Variants in NTN1 observed in about 807,000 individuals in gnomAD.
The protein encoded by NTN1 is netrin-1.
A neutral mutation model predicts 54.2 loss-of-function variants in NTN1; 11 were observed. The ratio of observed to expected loss-of-function variants is 0.20; its 90% CI spans 0.13 to 0.34. NTN1 has a LOEUF of 0.34. NTN1 is among the 10% of genes least tolerant of loss of function. The pLI is 1.00. For synonymous variants in NTN1, 371 were observed against 382.0 expected (o/e 0.97, Z 0.33); for missense variants, 740 against 893.1 (o/e 0.83, Z 2.18).
chr17:9,203,767 C>T (rs1437431385), intron 5 of NTN1, among the ~76,000 whole-genome samples: 3 of 151,998 alleles, frequency 2.0e-5, no homozygotes, highest in Admixed American at 6.5e-5. Flanking sequence ...CATGCCACCG[C>T]ACTCCAGCCT....
chr17:9,022,011 AG>A (rs1416902137), intron 1 of NTN1, among the ~76,000 whole-genome samples: 1 of 151,546 alleles, frequency 6.6e-6, no homozygotes, highest in Non-Finnish European at 1.5e-5. Flanking sequence ...TTGGGGTGCG[AG>A]GGGGGCTGGT....
At chr17:9,012,897 T>C in the NTN1 span, among the ~76,000 whole-genome samples, 1 of 152,176 alleles carries the variant, frequency 6.6e-6, no homozygotes, top group East Asian at 1.9e-4. Flanking sequence ...AGAATGTAGT[T>C]TGCTTTTTAT....
intron 2 of NTN1, among the ~76,000 whole-genome samples, chr17:9,108,140 G>A (rs1368706688): frequency 3.3e-5 from 5 of 152,202 alleles, no homozygotes; most frequent in Admixed American, 3.3e-4. Flanking sequence ...AGGAGGAAGG[G>A]ATTCATGCGA....
chr17:9,144,751 G>T (rs1387022235), intron 2 of NTN1, among the ~76,000 whole-genome samples: 3 of 152,248 alleles, frequency 2.0e-5, no homozygotes, highest in Non-Finnish European at 4.4e-5. Flanking sequence ...AGTGGGGTTT[G>T]CTGACGAAAC....
rs574307320 is a variant in NTN1 at position 9,240,418 on chromosome 17, G to A, written c.*450G>A. The A allele has an allele frequency of 1.3e-5, 2 of 152,368 alleles. No individual in the cohort carries two copies. Among genetic ancestry groups the A allele is most frequent in the African/African-American group, 4.8e-5 (2 of 41,584 alleles). The allele number at this position is 152,368 out of a possible 1,614,324, so 9.4% of individuals were successfully genotyped here. On this transcript the variant is annotated 3_prime_UTR_variant, in exon 7 of 7. Coordinates refer to ENST00000173229, the MANE Select transcript of NTN1 (RefSeq NM_004822.3). ...CGGGAGGAGAACTGTGAATTCTCAA[G>A]CCCGTAGTGTGGGCGGGGCGCGGAG... is the stretch of plus-strand genomic sequence containing the variant.
intron 5 of NTN1, among the ~76,000 whole-genome samples, chr17:9,210,076 C>G (rs1905060189): frequency 6.6e-6 from 1 of 152,104 alleles, no homozygotes; most frequent in African/African-American, 2.4e-5. Context: ...CCCTATCCAG[C>G]TCCCATGGCC....
At chr17:9,141,424 G>C (rs117473221) in intron 2 of NTN1, among the ~76,000 whole-genome samples, 1,564 of 152,290 alleles carry the variant, frequency 0.01, 15 homozygotes, top group Non-Finnish European at 0.016. Context: ...CAAGCCTGCC[G>C]AGGGGCCTAG....
intron 5 of NTN1, among the ~76,000 whole-genome samples, chr17:9,206,578 G>GC (rs1257256716): frequency 1.3e-5 from 2 of 152,138 alleles, no homozygotes; most frequent in African/African-American, 2.4e-5. Context: ...CCCTTTGGGG[G>GC]TCCCGGTGCA....
At chr17:9,083,236 T>G (rs2092077946) in intron 2 of NTN1, among the ~76,000 whole-genome samples, 1 of 152,172 alleles carries the variant, frequency 6.6e-6, no homozygotes, top group Non-Finnish European at 1.5e-5. Context: ...GTAGCTGGGA[T>G]TACAGGCATG....
In NTN1 at chr17:9,182,932, G is replaced by A. The variant is rs763267178; in HGVS notation, c.1374G>A (p.Pro458=). ...IAPCIKIPVA[P]PTTAASSVEE... ...CTCACAAAGAGATCCCTGTAGCGCC[G>A]CCGACGACTGCAGCCAGCAGCGTGG... The change falls in exon 5 of 7, where the codon CCG becomes CCA. Residue 458 remains proline (P), a synonymous_variant. Coordinates refer to ENST00000173229, the MANE Select transcript of NTN1 (RefSeq NM_004822.3). 2.9e-5 allele frequency: 47 copies of A among 1,613,892 alleles called. No homozygotes were observed. In the African/African-American group the frequency reaches 3.6e-4, roughly 12 times the overall value.
At chr17:9,153,469 G>C (rs1193676855) in intron 2 of NTN1, among the ~76,000 whole-genome samples, 1 of 152,024 alleles carries the variant, frequency 6.6e-6, no homozygotes, top group Non-Finnish European at 1.5e-5. Context: ...GAAACTCTGG[G>C]GGTTGACTCA....
chr17:9,038,466 G>A (rs2091910957), intron 2 of NTN1, among the ~76,000 whole-genome samples: 1 of 151,984 alleles, frequency 6.6e-6, no homozygotes, highest in African/African-American at 2.4e-5. Context: ...TATTCACAGG[G>A]GGCCTGGCAT....
At chr17:9,216,689 A>G (rs916468638) in intron 5 of NTN1, among the ~76,000 whole-genome samples, 2 of 152,180 alleles carry the variant, frequency 1.3e-5, no homozygotes, top group African/African-American at 4.8e-5. Context: ...CTGTGGAGGT[A>G]GTGCTCTTCC....
intron 2 of NTN1, among the ~76,000 whole-genome samples, chr17:9,162,268 A>T (rs1303518217): frequency 2.6e-5 from 4 of 152,194 alleles, no homozygotes; most frequent in Non-Finnish European, 5.9e-5. Context: ...TGCTACAACA[A>T]AGTGCCACGG....
At position 9,143,541 on chromosome 17, in the gene NTN1, C is replaced by G. The variant is rs16957959; in HGVS notation, c.1019-19272C>G. 0.028 allele frequency among the ~76,000 whole-genome samples: 4,325 copies of G among 152,262 alleles called. 388 individuals carry two copies. The East Asian group carries it at 0.31, about 11-fold the overall frequency. Reference sequence around the variant, plus strand: ...CCTCATGGTCAAACTGTGGCTCTCTCTCCTGAATTCCATGTAAATGGAGAG... The same window carrying G: ...CCTCATGGTCAAACTGTGGCTCTCTGTCCTGAATTCCATGTAAATGGAGAG... On this transcript the variant is annotated intron_variant, in intron 2 of 6. Coordinates refer to ENST00000173229, the MANE Select transcript of NTN1 (RefSeq NM_004822.3).
chr17:9,231,122 G>T (rs1157215155), intron 6 of NTN1, among the ~76,000 whole-genome samples: 2 of 152,156 alleles, frequency 1.3e-5, no homozygotes, highest in Non-Finnish European at 2.9e-5. Context: ...GGCATTTCGT[G>T]AGGTGTACCC....
intron 2 of NTN1, among the ~76,000 whole-genome samples, chr17:9,129,058 G>A (rs1014870354): frequency 3.3e-5 from 5 of 152,110 alleles, no homozygotes; most frequent in African/African-American, 4.8e-5. Context: ...CCCTCTCCGC[G>A]GTAACACTAT....
chr17:9,041,356 C>T (rs1366491310), intron 2 of NTN1, among the ~76,000 whole-genome samples: 2 of 152,174 alleles, frequency 1.3e-5, no homozygotes, highest in Non-Finnish European at 2.9e-5. Flanking sequence ...CCATCCTTCA[C>T]CCTGATCTGC....
At chr17:9,125,602 G>C (rs957204840) in intron 2 of NTN1, among the ~76,000 whole-genome samples, 1 of 151,382 alleles carries the variant, frequency 6.6e-6, no homozygotes, top group Non-Finnish European at 1.5e-5. Flanking sequence ...CCTATTTGAG[G>C]GTTATTTATT....
Sources: allele counts gnomAD v4.1 joint callset (sites outside exome capture counted in the v4.1 genomes callset), GRCh38; gene constraint gnomAD v4.1.1; transcripts MANE v1.5; gene names NCBI Gene and HGNC (gene_info 2026-07-23, HGNC 2026-07-21).